PTPRJ: variants seen among roughly 807,000 people sequenced by gnomAD.
PTPRJ encodes protein tyrosine phosphatase receptor type J, also known as receptor-type tyrosine-protein phosphatase eta.
A neutral mutation model predicts 141.3 loss-of-function variants in PTPRJ; 129 were observed. That is an observed-to-expected ratio of 0.91 (90% CI 0.79 to 1.06). The LOEUF is 1.06. Ranked by LOEUF, PTPRJ falls within the 50% of genes least tolerant of loss-of-function variation. PTPRJ has a pLI of 0.00. For synonymous variants in PTPRJ, 610 were observed against 640.5 expected, an observed-to-expected ratio of 0.95 and a Z score of 0.72; for missense variants, 1,601 against 1,679.7, an observed-to-expected ratio of 0.95 and a Z score of 0.82.
chr11:48,114,453 A>G (rs1275949994), intron 3 of PTPRJ, among the ~76,000 whole-genome samples: 4 of 150,814 alleles, frequency 2.7e-5, no homozygotes, highest in East Asian at 3.9e-4. Context: ...AAAAAAAAAA[A>G]AAAAAGAAAA....
chr11:48,025,624 A>G (rs778876390), intron 1 of PTPRJ, among the ~76,000 whole-genome samples: 1 of 152,226 alleles, frequency 6.6e-6, no homozygotes, highest in Non-Finnish European at 1.5e-5. Flanking sequence ...TTCTTTGCCC[A>G]CCAGAAAGCC....
At position 48,150,077 on chromosome 11, in the gene PTPRJ, A is replaced by T; in HGVS notation, c.3051-19A>T. ...ACTTCACTGAATGTAAAAAATCCTG[A>T]TAAGTTTTGTTTTCTTAGATCTAAG... is the stretch of plus-strand genomic sequence containing the variant. On this transcript the variant is annotated intron_variant, in intron 17 of 24. Transcript: ENST00000418331. 1.2e-6 allele frequency: 2 copies of T among 1,601,324 alleles called. No individual in the cohort carries two copies. The highest frequency in any genetic ancestry group is 1.7e-6 in the Non-Finnish European group (2 of 1,169,902).
intron 8 of PTPRJ, among the ~76,000 whole-genome samples, chr11:48,133,262 T>A (rs73468836): frequency 0.015 from 2,358 of 152,298 alleles, 74 homozygotes; most frequent in African/African-American, 0.054. Context: ...ACCATGTAGA[T>A]TGACACTTTG....
At chr11:48,056,343 C>A (rs1854751300) in intron 1 of PTPRJ, among the ~76,000 whole-genome samples, 1 of 152,218 alleles carries the variant, frequency 6.6e-6, no homozygotes, top group Non-Finnish European at 1.5e-5. Flanking sequence ...CACCAGTTTA[C>A]TTGACCTCAC....
intron 1 of PTPRJ, among the ~76,000 whole-genome samples, chr11:48,061,062 G>A (rs1337476147): frequency 1.3e-5 from 2 of 151,970 alleles, no homozygotes; most frequent in Non-Finnish European, 2.9e-5. Flanking sequence ...GTGCAATGGC[G>A]CTATCAATCG....
intron 1 of PTPRJ, among the ~76,000 whole-genome samples, chr11:48,075,395 G>T (rs532489545): frequency 6.6e-6 from 1 of 151,718 alleles, no homozygotes; most frequent in African/African-American, 2.4e-5. Flanking sequence ...AAAGTGCTGG[G>T]ATTACAGGTG....
Position 48,038,918 on chromosome 11 carries a change from G to A in PTPRJ, c.96+57910G>A, listed in dbSNP as rs546213741. Among the ~76,000 whole-genome samples the A allele has an allele frequency of 7.3e-5, 11 of 151,290 alleles. No individual in the cohort carries two copies. The East Asian group carries it at 2.2e-3, about 30-fold the overall frequency. ...AATCCCAGCACTTTGGGAGGCTGAG[G>A]CAAGTGGATCACTTGAGGTCAGGAG... On this transcript the variant is annotated intron_variant, in intron 1 of 24. Coordinates refer to ENST00000418331, the MANE Select transcript of PTPRJ (RefSeq NM_002843.4).
chr11:48,064,091 T>C (rs1855013276), intron 1 of PTPRJ, among the ~76,000 whole-genome samples: 1 of 152,142 alleles, frequency 6.6e-6, no homozygotes, highest in East Asian at 1.9e-4. Context: ...CTTAATCATT[T>C]TTTAGGCCTT....
At chr11:48,052,183 A>G (rs892350730) in intron 1 of PTPRJ, among the ~76,000 whole-genome samples, 5 of 152,222 alleles carry the variant, frequency 3.3e-5, no homozygotes, top group African/African-American at 9.6e-5. Context: ...TTTTGGAAAG[A>G]TGTGAGCTAG....
chr11:48,057,005 A>G (rs1276424124), intron 1 of PTPRJ, among the ~76,000 whole-genome samples: 3 of 152,292 alleles, frequency 2.0e-5, no homozygotes, highest in Non-Finnish European at 4.4e-5. Flanking sequence ...TAACTTGCCC[A>G]AGGTAACCCA....
intron 4 of PTPRJ, among the ~76,000 whole-genome samples, chr11:48,122,221 C>T (rs1856723955): frequency 6.6e-6 from 1 of 151,966 alleles, no homozygotes; most frequent in South Asian, 2.1e-4. Context: ...TGCTCTGTTA[C>T]ATTGTGAAAG....
chr11:48,064,022 T>C (rs1264320634), intron 1 of PTPRJ, among the ~76,000 whole-genome samples: 1 of 152,078 alleles, frequency 6.6e-6, no homozygotes, highest in African/African-American at 2.4e-5. Context: ...GTTGATTTTC[T>C]GCTTCTTCAA....
At chr11:48,015,870 A>G (rs1336839235) in intron 1 of PTPRJ, 2 of 152,504 alleles carry the variant, frequency 1.3e-5, no homozygotes, top group African/African-American at 2.4e-5. Flanking sequence ...AAAAAAAAAA[A>G]AAAAAGAAAT....
chr11:48,112,480 C>A (rs1243039720), intron 2 of PTPRJ, among the ~76,000 whole-genome samples: 1 of 152,198 alleles, frequency 6.6e-6, no homozygotes, highest in Non-Finnish European at 1.5e-5. Context: ...GCCATAGGAG[C>A]TCACGCCTCC....
At chr11:48,070,097 A>G (rs1855205152) in intron 1 of PTPRJ, among the ~76,000 whole-genome samples, 2 of 152,218 alleles carry the variant, frequency 1.3e-5, no homozygotes, top group Non-Finnish European at 1.5e-5. Context: ...TTTGTGGTTG[A>G]AAAAAGTGCC....
chr11:48,003,623 A>G (rs934089588), intron 1 of PTPRJ, among the ~76,000 whole-genome samples: 2 of 151,974 alleles, frequency 1.3e-5, no homozygotes, highest in African/African-American at 2.4e-5. Context: ...AGCCTTCCAA[A>G]TAGCTGGGAT....
At chr11:47,981,437 C>T (rs1027511806) in intron 1 of PTPRJ, among the ~76,000 whole-genome samples, 1 of 152,110 alleles carries the variant, frequency 6.6e-6, no homozygotes, top group Admixed American at 6.5e-5. Flanking sequence ...ACCTCCGACC[C>T]GGCCTGCAGG....
intron 1 of PTPRJ, among the ~76,000 whole-genome samples, chr11:48,063,477 G>A (rs1320295434): frequency 1.3e-5 from 2 of 152,178 alleles, no homozygotes; most frequent in Non-Finnish European, 2.9e-5. Context: ...AATATTTGTT[G>A]AATGAATGAA....
At chr11:47,982,916 T>G (rs888508371) in intron 1 of PTPRJ, among the ~76,000 whole-genome samples, 1 of 152,086 alleles carries the variant, frequency 6.6e-6, no homozygotes, top group Non-Finnish European at 1.5e-5. Context: ...TTGGACACAT[T>G]ATGAAATAGG....
Sources: gnomAD v4.1 joint callset for allele counts (sites outside exome capture counted in the v4.1 genomes callset) on GRCh38, gnomAD v4.1.1 for gene constraint, MANE v1.5 for transcripts, NCBI Gene and HGNC (gene_info 2026-07-23, HGNC 2026-07-21) for gene names.